Variants in GALNT13 observed in about 807,000 individuals in gnomAD.
GALNT13 encodes polypeptide N-acetylgalactosaminyltransferase 13.
GALNT13 carries 28 observed loss-of-function variants against 64.2 expected under a neutral mutation model. The observed-to-expected ratio is 0.44, with a 90% CI of 0.32 to 0.60. GALNT13 has a LOEUF of 0.60. Among genes scored for constraint, GALNT13 ranks in the 20% least tolerant of loss-of-function variants. GALNT13 has a pLI of 0.05. For synonymous variants in GALNT13, 214 were observed against 224.6 expected (o/e 0.95, Z 0.42); for missense variants, 577 against 669.8 (o/e 0.86, Z 1.53).
chr2:153,728,796 T>G, the GALNT13 span, among the ~76,000 whole-genome samples: 1 of 152,020 alleles, frequency 6.6e-6, no homozygotes, highest in East Asian at 1.9e-4. Flanking sequence ...ATAATAGTGA[T>G]AAAGGGGATA....
At chr2:153,576,117 T>C in the GALNT13 span, among the ~76,000 whole-genome samples, 2 of 151,858 alleles carry the variant, frequency 1.3e-5, no homozygotes, top group South Asian at 2.1e-4. Flanking sequence ...TGTGGCTGAG[T>C]TGGTATCCAA....
chr2:153,658,234 A>G, the GALNT13 span, among the ~76,000 whole-genome samples: 2 of 151,974 alleles, frequency 1.3e-5, no homozygotes, highest in Admixed American at 6.6e-5. Flanking sequence ...CTTGATTTCT[A>G]TGCTTCCTTT....
intron 9 of GALNT13, among the ~76,000 whole-genome samples, chr2:154,303,827 C>T (rs542745368): frequency 1.8e-4 from 28 of 151,476 alleles, no homozygotes; most frequent in African/African-American, 5.3e-4. Flanking sequence ...GGCGTGATCT[C>T]GGCTCACTGC....
At chr2:154,137,428 C>G (rs1245623441) in intron 3 of GALNT13, among the ~76,000 whole-genome samples, 1 of 151,900 alleles carries the variant, frequency 6.6e-6, no homozygotes, top group Non-Finnish European at 1.5e-5. Context: ...AAGTTGTTAC[C>G]TATTCTCCAC....
the GALNT13 span, among the ~76,000 whole-genome samples, chr2:153,463,644 A>G: frequency 6.6e-6 from 1 of 151,996 alleles, no homozygotes; most frequent in Non-Finnish European, 1.5e-5. Flanking sequence ...AGATTAGAGG[A>G]ATGGAAAAGG....
intron 3 of GALNT13, among the ~76,000 whole-genome samples, chr2:154,094,993 G>A (rs1310383546): frequency 6.6e-6 from 1 of 151,656 alleles, no homozygotes; most frequent in Non-Finnish European, 1.5e-5. Context: ...TTGAATCCAG[G>A]TCCAGTTTAA....
the GALNT13 span, among the ~76,000 whole-genome samples, chr2:153,555,106 G>C: frequency 6.6e-6 from 1 of 151,816 alleles, no homozygotes; most frequent in Non-Finnish European, 1.5e-5. Flanking sequence ...TGTATGAGTG[G>C]AGTAGAGAGA....
At chr2:154,203,162 A>C (rs1687263791) in intron 4 of GALNT13, among the ~76,000 whole-genome samples, 1 of 152,132 alleles carries the variant, frequency 6.6e-6, no homozygotes, top group Non-Finnish European at 1.5e-5. Flanking sequence ...GATACAAATT[A>C]ATAAAATTCA....
At chr2:153,526,936 A>AAAACATGGC in the GALNT13 span, among the ~76,000 whole-genome samples, 1 of 152,160 alleles carries the variant, frequency 6.6e-6, no homozygotes, top group Non-Finnish European at 1.5e-5. Context: ...TATTAGCAGA[A>AAAACATGGC]CTGAGCAGAA....
intron 9 of GALNT13, among the ~76,000 whole-genome samples, chr2:154,393,935 G>T (rs1009809372): frequency 6.7e-6 from 1 of 150,008 alleles, no homozygotes; most frequent in Non-Finnish European, 1.5e-5. Flanking sequence ...AAAATTAGCC[G>T]GGCGTAGTGG....
the GALNT13 span, among the ~76,000 whole-genome samples, chr2:153,246,306 AAG>A: frequency 2.6e-5 from 4 of 152,174 alleles, no homozygotes; most frequent in Non-Finnish European, 5.9e-5. Flanking sequence ...GAACACCACT[AAG>A]ATAGTCCTCG....
chr2:154,245,782 G>A, intron 6 of GALNT13, 30 bp from the exon 7 acceptor site: 1 of 1,423,388 alleles, frequency 7.0e-7, no homozygotes, highest in Non-Finnish European at 9.8e-7. Flanking sequence ...ATTATCATGT[G>A]TCTATAAATT....
chr2:154,445,394 C>T (rs1024127657), intron 12 of GALNT13, among the ~76,000 whole-genome samples: 2 of 151,748 alleles, frequency 1.3e-5, no homozygotes, highest in African/African-American at 4.8e-5. Context: ...ATCATTTACA[C>T]TAATATCTTT....
At chr2:154,287,727 T>C (rs1476563981) in intron 8 of GALNT13, among the ~76,000 whole-genome samples, 1 of 152,142 alleles carries the variant, frequency 6.6e-6, no homozygotes, top group Non-Finnish European at 1.5e-5. Flanking sequence ...ATTACTGTTC[T>C]TTTGAACTGC....
chr2:153,613,862 G>A, the GALNT13 span, among the ~76,000 whole-genome samples: 21 of 152,128 alleles, frequency 1.4e-4, no homozygotes, highest in African/African-American at 4.1e-4. Flanking sequence ...GGGGCCTGTC[G>A]TGGGGTGGGG....
At chr2:153,291,314 T>C in the GALNT13 span, among the ~76,000 whole-genome samples, 2 of 152,204 alleles carry the variant, frequency 1.3e-5, no homozygotes, top group South Asian at 2.1e-4. Context: ...AGTAGAGCAA[T>C]GTTCATATAA....
chr2:154,266,025 T>A (rs906110118), intron 8 of GALNT13, among the ~76,000 whole-genome samples: 4 of 152,136 alleles, frequency 2.6e-5, no homozygotes, highest in Non-Finnish European at 5.9e-5. Flanking sequence ...GTCATCTGAA[T>A]AGAGTCAAGA....
At chr2:154,211,824 G>A (rs563159575) in intron 4 of GALNT13, among the ~76,000 whole-genome samples, 2 of 152,002 alleles carry the variant, frequency 1.3e-5, no homozygotes, top group Admixed American at 6.6e-5. Context: ...CAAGAAGTGA[G>A]TATGAAAGTG....
chr2:154,179,538 A>T (rs958053011), intron 4 of GALNT13, among the ~76,000 whole-genome samples: 3 of 152,180 alleles, frequency 2.0e-5, no homozygotes, highest in Non-Finnish European at 4.4e-5. Flanking sequence ...CAAAACTGTC[A>T]AATGTGGAAT....
Sources: allele counts gnomAD v4.1 joint callset (sites outside exome capture counted in the v4.1 genomes callset), GRCh38; gene constraint gnomAD v4.1.1; transcripts MANE v1.5; gene names NCBI Gene and HGNC (gene_info 2026-07-23, HGNC 2026-07-21).